Variants in ECE2 observed in about 807,000 individuals in gnomAD.
ECE2 encodes the protein endothelin-converting enzyme 2.
ECE2 carries 81 observed loss-of-function variants against 100.6 expected under a neutral mutation model. The observed-to-expected ratio is 0.81, with a 90% CI of 0.67 to 0.97. The LOEUF is 0.97. Ranked by LOEUF, ECE2 falls within the 50% of genes least tolerant of loss-of-function variation. ECE2 has a pLI of 0.00. For synonymous variants in ECE2, 391 were observed against 391.5 expected, an observed-to-expected ratio of 1.00 and a Z score of 0.02; for missense variants, 911 against 988.1, an observed-to-expected ratio of 0.92 and a Z score of 1.05.
chr3:184,278,683 C>T (rs1195131604), intron 7 of ECE2, 126 bp downstream of exon 7: 2 of 871,946 alleles, frequency 2.3e-6, no homozygotes, highest in East Asian at 2.6e-5. Flanking sequence ...AGTGAACAAA[C>T]TGCCCCTCCT....
At chr3:184,278,109 G>A in intron 5 of ECE2, 58 bp from the exon 6 acceptor site, 1 of 1,613,238 alleles carries the variant, frequency 6.2e-7, no homozygotes, top group South Asian at 1.1e-5. Flanking sequence ...AGAGGAGATG[G>A]CCCAGGAACG....
rs75083148 is a variant in ECE2, at chr3:184,278,065, C to T, written c.603+16C>T. On this transcript the variant is annotated intron_variant, in intron 5 of 18. Transcript: ENST00000404464. ...CATTGAGAAGGTAGGGCCACTGAGC[C>T]GGTTGAGGGCAGGGGAGCAGGAGAG... 4,220 of 1,613,758 alleles carry T rather than the reference C, an allele frequency of 2.6e-3. 94 individuals carry two copies. The African/African-American group carries it at 0.048, about 18-fold the overall frequency.
chr3:184,277,460 C>T lies in ECE2; in HGVS notation c.472C>T (p.Leu158=). 1 of 1,614,010 alleles carries T rather than the reference C, an allele frequency of 6.2e-7. No homozygotes were observed. The highest frequency in any genetic ancestry group is 1.1e-5 in the South Asian group (1 of 91,092). ...CCAAAACCAGGCCATACTGAAGCAC[C>T]TGCTTGGTGAGTGGGGCTGTTAGGG... The part of the protein sequence containing the change: ...WDQNQAILKH[L]LENTTFNSSS... The change falls in exon 4 of 19, where the codon CTG becomes TTG. Residue 158 remains leucine (L), a synonymous_variant. Transcript: ENST00000404464.
chr3:184,285,132 G>A, intron 9 of ECE2, 27 bp downstream of exon 9: 1 of 1,605,328 alleles, frequency 6.2e-7, no homozygotes, highest in Non-Finnish European at 8.5e-7. Context: ...GGGTGAGGGT[G>A]GGTTCTGTGG....
In ECE2 at chr3:184,277,013, T is replaced by A. The variant is rs372798670; in HGVS notation, c.248T>A (p.Val83Asp). Residue 83 changes from valine (V) to aspartate (D), a missense_variant, in exon 3 of 19, where the codon GTC (valine) becomes GAC (aspartate). Val to Asp is a radical substitution (Grantham distance 152). Transcript: ENST00000404464. ...LLLGCLVALGVQYHRDPSHST... is the reference protein window; with the variant it reads ...LLLGCLVALGDQYHRDPSHST... ...CTGGGCTGCCTTGTGGCCCTAGGGG[T>A]CCAGTACCACAGAGGTAGGTGGGCC... 6.8e-6 allele frequency: 11 copies of A among 1,613,814 alleles called. No homozygotes were observed. The highest frequency in any genetic ancestry group is 1.3e-5 in the African/African-American group (1 of 74,880).
In ECE2 at chr3:184,285,491, T is replaced by C. The variant is rs1446001862; in HGVS notation, c.1162T>C (p.Tyr388His). ...NRTEPSILNN[Y>H]LIWNLVQKTT... is the part of the protein sequence containing the mutation. ...TCTGGTTGTCAGCATCCTGAACAAT[T>C]ACCTGATCTGGAACCTGGTGCAAAA... The change falls in exon 10 of 19, where the codon TAC (tyrosine) becomes CAC (histidine). Residue 388 changes from tyrosine to histidine, a missense_variant. By Grantham distance (83) the Tyr-to-His change is moderately conservative (BLOSUM62 2). Transcript: ENST00000404464. The C allele has an allele frequency of 1.3e-5, 21 of 1,613,926 alleles. No homozygotes were observed. Among genetic ancestry groups the C allele is most frequent in the Non-Finnish European group, 1.7e-5 (20 of 1,179,946 alleles).
Position 184,285,497 on chromosome 3 carries a change from A to C in ECE2, c.1168A>C (p.Ile390Leu). 1 of 1,614,006 alleles carries C rather than the reference A, an allele frequency of 6.2e-7. No homozygotes were observed. Among genetic ancestry groups the C allele is most frequent in the Non-Finnish European group, 8.5e-7 (1 of 1,179,948 alleles). The change falls in exon 10 of 19, where the codon ATC becomes CTC. Residue 390 changes from isoleucine to leucine, a missense_variant. By Grantham distance (5) the Ile-to-Leu change is conservative (BLOSUM62 2). Transcript: ENST00000404464. ...TEPSILNNYL[I>L]WNLVQKTTSS... is the part of the protein sequence containing the mutation. ...TGTCAGCATCCTGAACAATTACCTG[A>C]TCTGGAACCTGGTGCAAAAGACAAC...
Position 184,291,593 on chromosome 3 carries a change from G to T in ECE2, c.2121+154G>T. On this transcript the variant is annotated intron_variant, in intron 18 of 18. Coordinates refer to ENST00000404464, the MANE Select transcript of ECE2 (RefSeq NM_001100121.2). The surrounding 1 kb of genome is among the most constrained non-coding windows in gnomAD (Gnocchi z 4.1). ...TGGGCTGGGAAGGCCCATGCCCAGAGCCTCCGGCCAGCCAGGGCCCACAAA... is the reference window on the plus strand; with the variant it reads ...TGGGCTGGGAAGGCCCATGCCCAGATCCTCCGGCCAGCCAGGGCCCACAAA... 1 of 739,500 alleles carries T rather than the reference G, an allele frequency of 1.4e-6. No homozygotes were observed. The highest frequency in any genetic ancestry group is 2.1e-6 in the Non-Finnish European group (1 of 477,764). The allele number at this position is 739,500 out of a possible 1,614,324, so 45.8% of individuals were successfully genotyped here.
rs1266570580 is a variant in ECE2, at chr3:184,277,356, TCTC to T, written c.371_373del (p.Ser124del). ...AGCCCCTGTGAGGACTTTTACCAGT[TCTC>T]CTGTGGGGGCTGGATTCGGAGGAAC... On this transcript the variant is annotated inframe_deletion, in exon 4 of 19. Transcript: ENST00000404464. The T allele has an allele frequency of 6.2e-7, 1 of 1,614,248 alleles. No homozygotes were observed.
intron 13 of ECE2, among the ~76,000 whole-genome samples, 178 bp from the exon 14 acceptor site, chr3:184,290,077 T>TA (rs910050605): frequency 5.3e-5 from 8 of 152,130 alleles, no homozygotes; most frequent in Non-Finnish European, 1.0e-4. Context: ...ATACAGTATG[T>TA]AAAAAAACAG....
chr3:184,291,463 G>A lies in ECE2; in HGVS notation c.2121+24G>A, dbSNP rs764978948. On this transcript the variant is annotated intron_variant, in intron 18 of 18. Coordinates refer to ENST00000404464, the MANE Select transcript of ECE2 (RefSeq NM_001100121.2). This position sits in a 1 kb window ranked among gnomAD's most constrained non-coding sequence, Gnocchi z 4.1. Reference sequence around the variant, plus strand: ...AGGTATCACCCTCTCGGAAGGCCTGGGGTCTGCCCCTTTGTCCTGCTCCCT... The same window carrying A: ...AGGTATCACCCTCTCGGAAGGCCTGAGGTCTGCCCCTTTGTCCTGCTCCCT... The A allele has an allele frequency of 1.3e-6, 2 of 1,548,414 alleles. No homozygotes were observed. The highest frequency in any genetic ancestry group is 3.9e-5 in the Admixed American group (2 of 50,846).
intron 16 of ECE2, 82 bp downstream of exon 16, chr3:184,290,942 A>C (rs559147981): frequency 3.1e-6 from 5 of 1,598,206 alleles, no homozygotes; most frequent in Middle Eastern, 1.7e-4. Flanking sequence ...TGTAGCCCCA[A>C]GGGCCCTGAA....
chr3:184,276,836 A>C (rs1720575361), intron 2 of ECE2, 56 bp from the exon 3 acceptor site: 4 of 1,602,614 alleles, frequency 2.5e-6, no homozygotes, highest in Non-Finnish European at 3.4e-6. Flanking sequence ...ACCCTCTGGT[A>C]ATCTTGGATC....
chr3:184,283,561 CAAAAAAAAAAAAAAAAAAAA>C (rs35761542), intron 7 of ECE2, among the ~76,000 whole-genome samples: 1 of 53,086 alleles, frequency 1.9e-5, no homozygotes, highest in Non-Finnish European at 3.2e-5. Context: ...GACTCCATCT[CAAAAAAAAAAAAAAAAAAAA>C]AAAAAAAAAA....
chr3:184,284,659 G>A (rs552659755), intron 8 of ECE2, among the ~76,000 whole-genome samples: 17 of 152,258 alleles, frequency 1.1e-4, no homozygotes, highest in Admixed American at 9.8e-4. Flanking sequence ...GTGTGGTTCT[G>A]GAGGAGAAGC....
intron 7 of ECE2, among the ~76,000 whole-genome samples, chr3:184,283,237 T>C (rs1381503405): frequency 1.3e-5 from 2 of 151,972 alleles, no homozygotes; most frequent in Non-Finnish European, 2.9e-5. Context: ...ACCTTCTCCT[T>C]GGAGAAATAG....
At chr3:184,286,689 A>G (rs1333857857) in intron 10 of ECE2, among the ~76,000 whole-genome samples, 1 of 151,808 alleles carries the variant, frequency 6.6e-6, no homozygotes, top group Non-Finnish European at 1.5e-5. Context: ...CTGTAATCCC[A>G]GCTACTCGGG....
At chr3:184,278,336 G>C in intron 6 of ECE2, 23 bp downstream of exon 6, 1 of 1,612,070 alleles carries the variant, frequency 6.2e-7, no homozygotes, top group South Asian at 1.1e-5. Context: ...GAAAGGGTGG[G>C]GAGAGACTTA....
chr3:184,276,252 G>A, intron 1 of ECE2, 60 bp downstream of exon 1: 2 of 1,436,844 alleles, frequency 1.4e-6, no homozygotes, highest in East Asian at 2.5e-5. Context: ...GAGGCAGAGG[G>A]GTCGGCCGCG....
Sources: gnomAD v4.1 joint callset for allele counts (sites outside exome capture counted in the v4.1 genomes callset) on GRCh38, gnomAD v4.1.1 for gene constraint, Gnocchi (gnomAD v3.1) non-coding constraint, MANE v1.5 for transcripts, NCBI Gene and HGNC (gene_info 2026-07-23, HGNC 2026-07-21) for gene names.